CPS1: variants seen among roughly 807,000 people sequenced by gnomAD.
CPS1 encodes the protein carbamoyl-phosphate synthase [ammonia], mitochondrial.
A neutral mutation model predicts 174.6 loss-of-function variants in CPS1; 109 were observed. The observed-to-expected ratio is 0.62, with a 90% CI of 0.53 to 0.73. The LOEUF (loss-of-function observed/expected upper bound fraction) is 0.73. CPS1 is among the 30% of genes least tolerant of loss of function. CPS1 has a pLI of 0.00. For missense variants in CPS1, 1,689 were observed against 1,821.9 expected (o/e 0.93, Z 1.33); for synonymous variants, 637 against 632.0 (o/e 1.01, Z -0.12).
At chr2:210,482,380 C>T (rs1409467390) in intron 1 of CPS1, among the ~76,000 whole-genome samples, 1 of 151,544 alleles carries the variant, frequency 6.6e-6, no homozygotes, top group Non-Finnish European at 1.5e-5. Context: ...GATCTCGGCT[C>T]ACTCAGCTCA....
At chr2:210,596,523 G>A (rs193003075) in intron 13 of CPS1, among the ~76,000 whole-genome samples, 43 of 151,970 alleles carry the variant, frequency 2.8e-4, no homozygotes, top group Admixed American at 2.4e-3. Context: ...TGTTGAAGAG[G>A]TAGAACACAG....
chr2:210,638,647 G>C (rs897359347), intron 22 of CPS1, among the ~76,000 whole-genome samples: 1 of 152,072 alleles, frequency 6.6e-6, no homozygotes, highest in African/African-American at 2.4e-5. Flanking sequence ...CTTGAGAGTG[G>C]AATTGATTTC....
chr2:210,587,994 A>G lies in CPS1; in HGVS notation c.622-64A>G, dbSNP rs1471992435. ...GTTCAAAACATTGTCAGATGTGTTT[A>G]TGATTTTGGTCTGTTGCCCATAGCT... On this transcript the variant is annotated intron_variant, in intron 6 of 37. Transcript: ENST00000233072. 5 of 1,357,282 alleles carry G rather than the reference A, an allele frequency of 3.7e-6. No homozygotes were observed. In the East Asian group the frequency reaches 1.1e-4, roughly 31 times the overall value. 84.1% of individuals were successfully genotyped at this position (1,357,282 alleles called of 1,614,324 possible). A position where few individuals can be genotyped will look rare whatever the true frequency, so the allele number is the denominator to read the frequency against.
chr2:210,513,364 A>T (rs1215260788), intron 1 of CPS1, among the ~76,000 whole-genome samples: 1 of 151,626 alleles, frequency 6.6e-6, no homozygotes, highest in Admixed American at 6.6e-5. Flanking sequence ...TTTTAATAAC[A>T]GCCATTCCTA....
intron 1 of CPS1, among the ~76,000 whole-genome samples, chr2:210,502,601 A>G (rs1312964547): frequency 2.0e-5 from 3 of 151,680 alleles, no homozygotes; most frequent in Non-Finnish European, 2.9e-5. Context: ...AGTTTGAACA[A>G]TTTTGGAGTG....
chr2:210,608,595 C>T, intron 19 of CPS1, 36 bp downstream of exon 19: 1 of 1,597,318 alleles, frequency 6.3e-7, no homozygotes, highest in Non-Finnish European at 8.6e-7. Flanking sequence ...TCTTCTTGTT[C>T]TCAGTTATTT....
At chr2:210,637,363 G>C (rs1208341230) in intron 21 of CPS1, among the ~76,000 whole-genome samples, 1 of 152,124 alleles carries the variant, frequency 6.6e-6, no homozygotes, top group East Asian at 1.9e-4. Context: ...ACTGAAAAAG[G>C]GCTCCTGGAT....
At position 210,677,963 on chromosome 2, in the gene CPS1, A is replaced by G. The variant is rs1701586600; in HGVS notation, c.4481A>G (p.Tyr1494Cys). The change falls in exon 38 of 38, where the codon TAC becomes TGC. Residue 1494 changes from tyrosine to cysteine, a missense_variant. By Grantham distance (194) the Tyr-to-Cys change is radical. Coordinates refer to ENST00000233072, the MANE Select transcript of CPS1 (RefSeq NM_001875.5). ...AAGAGTCTTTTCCACTACAGGCAGT[A>G]CAGTGCTGGAAAAGCAGCATAGAGA... Reference protein sequence around the residue: ...DSKSLFHYRQYSAGKAA With the variant: ...DSKSLFHYRQCSAGKAA 1.2e-6 allele frequency: 2 copies of G among 1,613,890 alleles called. No homozygotes were observed. Among genetic ancestry groups the G allele is most frequent in the Non-Finnish European group, 8.5e-7 (1 of 1,179,744 alleles).
chr2:210,550,773 GT>G (rs1398516695), intron 1 of CPS1, among the ~76,000 whole-genome samples: 2 of 151,772 alleles, frequency 1.3e-5, no homozygotes, highest in East Asian at 3.9e-4. Context: ...CAATGTTTTA[GT>G]TTCTATTGAG....
chr2:210,634,012 CA>C (rs1477806108), intron 21 of CPS1, among the ~76,000 whole-genome samples: 1 of 152,164 alleles, frequency 6.6e-6, no homozygotes, highest in Non-Finnish European at 1.5e-5. Context: ...GCTTATTTGT[CA>C]AGCACTTCCA....
intron 22 of CPS1, among the ~76,000 whole-genome samples, chr2:210,638,831 A>G (rs1700118708): frequency 6.6e-6 from 1 of 152,134 alleles, no homozygotes; most frequent in African/African-American, 2.4e-5. Flanking sequence ...TTTCATATAC[A>G]GCTGCTTTTA....
intron 21 of CPS1, among the ~76,000 whole-genome samples, chr2:210,627,617 C>T (rs927727460): frequency 8.5e-5 from 13 of 152,252 alleles, no homozygotes; most frequent in South Asian, 2.1e-4. Flanking sequence ...TATAAGGCAG[C>T]GACCATGCCT....
Position 210,593,912 on chromosome 2 carries a change from A to G in CPS1, c.1165-596A>G, listed in dbSNP as rs982770684. Reference sequence around the variant, plus strand: ...AGTAGTTTTTTAATTTAAAATTTAAATTAGCATATATTAGTACTTCGGATT... The same window carrying G: ...AGTAGTTTTTTAATTTAAAATTTAAGTTAGCATATATTAGTACTTCGGATT... On this transcript the variant is annotated intron_variant, in intron 11 of 37. Transcript: ENST00000233072. Among the ~76,000 whole-genome samples, 7 of 152,084 alleles carry G rather than the reference A, an allele frequency of 4.6e-5. No homozygotes were observed. In the South Asian group the frequency reaches 6.2e-4, roughly 13 times the overall value.
Position 210,564,439 on chromosome 2 carries a change from G to A in CPS1, c.126+7580G>A, listed in dbSNP as rs971292247. Among the ~76,000 whole-genome samples the A allele has an allele frequency of 1.9e-4, 29 of 151,530 alleles. 1 individual carries two copies. Among genetic ancestry groups the A allele is most frequent in the East Asian group, 1.4e-3 (7 of 5,116 alleles). On this transcript the variant is annotated intron_variant, in intron 1 of 37. Coordinates refer to ENST00000233072, the MANE Select transcript of CPS1 (RefSeq NM_001875.5). ...CGCCCAGGCTGGAGTGCAGTGCTGC[G>A]ATCTCGGCTCACTGCAAGGTCCGCC...
At chr2:210,637,664 G>C in intron 21 of CPS1, 38 bp from the exon 22 acceptor site, 1 of 1,610,754 alleles carries the variant, frequency 6.2e-7, no homozygotes, top group South Asian at 1.1e-5. Context: ...TATTGTTTTT[G>C]GTCTAAACTT....
intron 25 of CPS1, among the ~76,000 whole-genome samples, 158 bp downstream of exon 25, chr2:210,642,823 TA>T (rs1013537524): frequency 3.9e-5 from 6 of 152,110 alleles, no homozygotes; most frequent in Non-Finnish European, 5.9e-5. Flanking sequence ...AGTAAAACTC[TA>T]AAAAAAATCA....
At chr2:210,649,305 A>C (rs189260545) in intron 27 of CPS1, among the ~76,000 whole-genome samples, 121 of 152,340 alleles carry the variant, frequency 7.9e-4, no homozygotes, top group African/African-American at 2.4e-3. Context: ...AATGTAAACT[A>C]ATTTAAACAT....
At chr2:210,512,371 G>T (rs1695518296) in intron 1 of CPS1, among the ~76,000 whole-genome samples, 1 of 151,582 alleles carries the variant, frequency 6.6e-6, no homozygotes, top group Non-Finnish European at 1.5e-5. Flanking sequence ...CCCCACTCCA[G>T]TATTCCCCAG....
rs770574592 is a variant in CPS1, at chr2:210,599,528, C to T, written c.1516C>T (p.Leu506=). The change falls in exon 14 of 38, where the codon CTG becomes TTG. Residue 506 remains leucine, a synonymous_variant. Coordinates refer to ENST00000233072, the MANE Select transcript of CPS1 (RefSeq NM_001875.5). ...GGCAGAACAGCCAGATGGGTTAATT[C>T]TGGGCATGGGTGGCCAGACAGCTCT... ...IKAEQPDGLI[L]GMGGQTALNC... The T allele has an allele frequency of 3.1e-6, 5 of 1,612,356 alleles. No homozygotes were observed. Among genetic ancestry groups the T allele is most frequent in the South Asian group, 1.1e-5 (1 of 91,070 alleles).
Sources: gnomAD v4.1 joint callset for allele counts (sites outside exome capture counted in the v4.1 genomes callset) on GRCh38, gnomAD v4.1.1 for gene constraint, MANE v1.5 for transcripts, NCBI Gene and HGNC (gene_info 2026-07-23, HGNC 2026-07-21) for gene names.